Variants in PTPRG observed in about 807,000 individuals in gnomAD.
PTPRG encodes the protein protein tyrosine phosphatase receptor type G, also known as receptor-type tyrosine-protein phosphatase gamma.
In PTPRG, 102 loss-of-function variants were observed where a neutral mutation model predicts 165.3. That is an observed-to-expected ratio of 0.62 (90% confidence interval 0.53 to 0.73). PTPRG has a LOEUF of 0.73. Among genes scored for constraint, PTPRG ranks in the 30% least tolerant of loss-of-function variants. The probability of loss-of-function intolerance (pLI) is 0.00; values close to 1 mark genes in which losing one functional copy is unlikely to be tolerated. For synonymous variants in PTPRG, 675 were observed against 669.5 expected (o/e 1.01, Z -0.13); for missense variants, 1,866 against 1,861.4 (o/e 1.00, Z -0.05).
intron 2 of PTPRG, among the ~76,000 whole-genome samples, chr3:61,820,554 A>G (rs2035919883): frequency 7.0e-6 from 1 of 143,450 alleles, no homozygotes; most frequent in African/African-American, 2.7e-5. Context: ...AGAAATACCC[A>G]TCATCTCAGA....
At position 62,003,338 on chromosome 3, in the gene PTPRG, G is replaced by A; in HGVS notation, c.371-11G>A. ...ACTTTGTTTTCCTCTCTTCTCATTT[G>A]TTTCACACAGTCGCCATCCTTCTGA... On this transcript the variant is annotated splice_polypyrimidine_tract_variant and intron_variant, in intron 3 of 29. Transcript: ENST00000474889. The A allele has an allele frequency of 6.2e-7, 1 of 1,609,796 alleles. No homozygotes were observed. The highest frequency in any genetic ancestry group is 8.5e-7 in the Non-Finnish European group (1 of 1,178,558).
chr3:61,854,566 G>T lies in PTPRG; in HGVS notation c.190+105584G>T, dbSNP rs188711124. Among the ~76,000 whole-genome samples, 148 of 152,170 alleles carry T rather than the reference G, an allele frequency of 9.7e-4. 1 individual carries two copies. Among genetic ancestry groups the T allele is most frequent in the Admixed American group, 3.7e-3 (56 of 15,266 alleles). On this transcript the variant is annotated intron_variant, in intron 2 of 29. Coordinates refer to ENST00000474889, the MANE Select transcript of PTPRG (RefSeq NM_002841.4). ...CATATGAATACATGCTTTTTAAAAC[G>T]TGCACTATTAGGGAAACTGTACTGG...
chr3:62,278,210 A>G (rs887287380), intron 26 of PTPRG, among the ~76,000 whole-genome samples: 2 of 152,102 alleles, frequency 1.3e-5, no homozygotes, highest in African/African-American at 4.8e-5. Flanking sequence ...CTGTCTCCAG[A>G]GACCATGCTT....
chr3:61,836,086 T>TAC (rs149328761), intron 2 of PTPRG, among the ~76,000 whole-genome samples: 36 of 114,166 alleles, frequency 3.2e-4, no homozygotes, highest in Admixed American at 1.1e-3. Context: ...TATATATATA[T>TAC]ACACACACAC....
At chr3:62,114,805 C>A (rs1279125360) in intron 5 of PTPRG, among the ~76,000 whole-genome samples, 1 of 151,976 alleles carries the variant, frequency 6.6e-6, no homozygotes, top group Non-Finnish European at 1.5e-5. Flanking sequence ...CCTTGCCCTA[C>A]TAATTTTTAG....
chr3:62,000,629 A>C (rs907209097), intron 3 of PTPRG, among the ~76,000 whole-genome samples: 2 of 152,130 alleles, frequency 1.3e-5, no homozygotes, highest in African/African-American at 4.8e-5. Context: ...AAAAAAGTAA[A>C]ATAAAAGATC....
At chr3:61,900,204 C>T (rs889743663) in intron 2 of PTPRG, among the ~76,000 whole-genome samples, 4 of 151,944 alleles carry the variant, frequency 2.6e-5, no homozygotes, top group Non-Finnish European at 4.4e-5. Context: ...GTTGTAATGT[C>T]GTCGTTTATC....
chr3:61,732,312 T>C (rs2032532318), intron 1 of PTPRG, among the ~76,000 whole-genome samples: 1 of 152,212 alleles, frequency 6.6e-6, no homozygotes, highest in Non-Finnish European at 1.5e-5. Flanking sequence ...GCGCAGTGGC[T>C]CATGCCTGTA....
intron 1 of PTPRG, among the ~76,000 whole-genome samples, chr3:61,686,538 C>T (rs1575589538): frequency 1.3e-5 from 2 of 152,160 alleles, no homozygotes; most frequent in Admixed American, 1.3e-4. Context: ...AAACTCTGCC[C>T]CCAGGTGTGT....
intron 6 of PTPRG, among the ~76,000 whole-genome samples, chr3:62,140,022 A>G (rs911190742): frequency 2.6e-5 from 4 of 152,250 alleles, no homozygotes. Context: ...AATAAAGAGT[A>G]ACGGAGTGTC....
chr3:61,967,556 A>G (rs986464206), intron 2 of PTPRG, among the ~76,000 whole-genome samples: 10 of 152,216 alleles, frequency 6.6e-5, no homozygotes, highest in African/African-American at 2.4e-4. Context: ...GTCTAAATTC[A>G]TTCCCTTACT....
In PTPRG at chr3:62,281,551, T is replaced by TTTTTTTTTTTTTTG. The variant is rs1553667465; in HGVS notation, c.3766-12_3766-11insTTTTTTTTTTTTTG. On this transcript the variant is annotated splice_polypyrimidine_tract_variant and intron_variant, in intron 26 of 29. Transcript: ENST00000474889. ...GAACTGCAGAGGCTTTTTTTTTTTT[T>TTTTTTTTTTTTTTG]GGATTCCAAAGGCAGAAGATGAGTT... The TTTTTTTTTTTTTTG allele has an allele frequency of 2.7e-6, 4 of 1,466,868 alleles. 1 individual carries two copies. The South Asian group carries it at 5.5e-5, about 20-fold the overall frequency. The allele number at this position is 1,466,868 out of a possible 1,614,324, so 90.9% of individuals were successfully genotyped here. A position where few individuals can be genotyped will look rare whatever the true frequency, so the allele number is the denominator to read the frequency against.
Position 62,020,910 on chromosome 3 carries a change from A to G in PTPRG, c.519+17413A>G, listed in dbSNP as rs551674125. 3.3e-5 allele frequency among the ~76,000 whole-genome samples: 5 copies of G among 151,752 alleles called. No individual in the cohort carries two copies. The South Asian group carries it at 1.0e-3, about 32-fold the overall frequency. ...GGTTGATCTTCAGCCCCTGGGCTCAAGCAGTCCTTCCACCTTGGTCTCCCA... is the reference window on the plus strand; with the variant it reads ...GGTTGATCTTCAGCCCCTGGGCTCAGGCAGTCCTTCCACCTTGGTCTCCCA... On this transcript the variant is annotated intron_variant, in intron 4 of 29. Transcript: ENST00000474889.
At chr3:61,845,117 A>G (rs181766572) in intron 2 of PTPRG, among the ~76,000 whole-genome samples, 12 of 152,332 alleles carry the variant, frequency 7.9e-5, no homozygotes, top group African/African-American at 2.9e-4. Flanking sequence ...CACTTTCCCC[A>G]GCAACCTACC....
At chr3:61,768,983 G>A (rs1032289847) in intron 2 of PTPRG, among the ~76,000 whole-genome samples, 1 of 152,166 alleles carries the variant, frequency 6.6e-6, no homozygotes, top group African/African-American at 2.4e-5. Flanking sequence ...GAAAAACTAT[G>A]CCAATTTACA....
At chr3:62,077,455 T>G (rs890104981) in intron 4 of PTPRG, among the ~76,000 whole-genome samples, 1 of 152,042 alleles carries the variant, frequency 6.6e-6, no homozygotes, top group Non-Finnish European at 1.5e-5. Flanking sequence ...CTGCCCTAAT[T>G]TTTTTTACAG....
chr3:61,864,933 G>C (rs941882347), intron 2 of PTPRG, among the ~76,000 whole-genome samples: 1 of 152,128 alleles, frequency 6.6e-6, no homozygotes, highest in Admixed American at 6.5e-5. Flanking sequence ...CAATGTCTCA[G>C]GAAGGCCCAC....
At chr3:62,216,585 C>G (rs182562097) in intron 12 of PTPRG, among the ~76,000 whole-genome samples, 6 of 151,886 alleles carry the variant, frequency 4.0e-5, no homozygotes, top group East Asian at 1.9e-4. Flanking sequence ...TGGGCCACCC[C>G]CTTCTGGGAC....
intron 2 of PTPRG, among the ~76,000 whole-genome samples, chr3:61,985,556 A>AG (rs1277150919): frequency 6.6e-6 from 1 of 152,170 alleles, no homozygotes; most frequent in African/African-American, 2.4e-5. Context: ...CATTGTACAG[A>AG]GGAGGGGCTG....
Sources: gnomAD v4.1 joint callset for allele counts (sites outside exome capture counted in the v4.1 genomes callset) on GRCh38, gnomAD v4.1.1 for gene constraint, MANE v1.5 for transcripts, NCBI Gene and HGNC (gene_info 2026-07-23, HGNC 2026-07-21) for gene names.